The following NFIX variants were observed in gnomAD, a reference collection of about 807,000 sequenced individuals.
NFIX encodes nuclear factor 1 X-type.
NFIX carries 2 observed loss-of-function variants against 53.3 expected under a neutral mutation model. The observed-to-expected ratio is 0.04, with a 90% CI of 0.02 to 0.12. The LOEUF is 0.12. Among genes scored for constraint, NFIX ranks in the 10% least tolerant of loss-of-function variants. NFIX has a pLI of 1.00. For missense variants in NFIX, 310 were observed against 674.5 expected (o/e 0.46, Z 5.99); for synonymous variants, 244 against 289.0 (o/e 0.84, Z 1.58).
chr19:13,062,287 G>A (rs2145376328), intron 2 of NFIX, among the ~76,000 whole-genome samples: 1 of 152,312 alleles, frequency 6.6e-6, no homozygotes, highest in East Asian at 1.9e-4. Context: ...TAATTCACTG[G>A]ACATGAGTGT....
chr19:13,010,285 C>T (rs2145151789), intron 1 of NFIX, among the ~76,000 whole-genome samples: 1 of 152,328 alleles, frequency 6.6e-6, no homozygotes, highest in Non-Finnish European at 1.5e-5. Context: ...CACGTGGTTA[C>T]TCCCAAGGCG....
At chr19:13,034,676 AG>A (rs2014055641) in intron 2 of NFIX, among the ~76,000 whole-genome samples, 1 of 152,190 alleles carries the variant, frequency 6.6e-6, no homozygotes, top group African/African-American at 2.4e-5. Flanking sequence ...GATCGCTGGA[AG>A]TTTTACAATA....
At position 13,075,667 on chromosome 19, in the gene NFIX, T is replaced by A. The variant is rs764655778; in HGVS notation, c.951T>A (p.Asp317Glu). Reference protein sequence around the residue: ...SQSSGWPNDVDAGPASLKKSG... With the variant: ...SQSSGWPNDVEAGPASLKKSG... Reference sequence around the variant, plus strand: ...CCAGCGGGTGGCCCAACGATGTGGATGCAGGTATGGGTGCGGGGGATCCTG... The same window carrying A: ...CCAGCGGGTGGCCCAACGATGTGGAAGCAGGTATGGGTGCGGGGGATCCTG... The change falls in exon 6 of 11, where the codon GAT becomes GAA. Residue 317 changes from aspartate to glutamate, a missense_variant. Transcript: ENST00000592199. 5.6e-6 allele frequency: 9 copies of A among 1,613,416 alleles called. No individual in the cohort carries two copies. The highest frequency in any genetic ancestry group is 7.6e-6 in the Non-Finnish European group (9 of 1,179,716).
At chr19:13,032,705 T>G (rs917235249) in intron 2 of NFIX, among the ~76,000 whole-genome samples, 6 of 152,134 alleles carry the variant, frequency 3.9e-5, no homozygotes, top group Non-Finnish European at 5.9e-5. Context: ...GCAGAGGACC[T>G]GGGCCCACAG....
chr19:13,065,559 C>T (rs1474593041), intron 2 of NFIX, among the ~76,000 whole-genome samples: 1 of 152,148 alleles, frequency 6.6e-6, no homozygotes, highest in East Asian at 1.9e-4. Flanking sequence ...CTGGGGGTCT[C>T]ATTTATTAAC....
intron 1 of NFIX, among the ~76,000 whole-genome samples, chr19:13,003,814 T>G (rs2011861126): frequency 6.6e-6 from 1 of 152,026 alleles, no homozygotes; most frequent in Non-Finnish European, 1.5e-5. Context: ...AATTTTTAAA[T>G]TTTTTTGTAG....
At position 13,087,978 on chromosome 19, in the gene NFIX, G is replaced by A. The variant is rs2017889058; in HGVS notation, c.1255-11G>A. On this transcript the variant is annotated splice_polypyrimidine_tract_variant and intron_variant, in intron 8 of 10. Coordinates refer to ENST00000592199, the MANE Select transcript of NFIX (RefSeq NM_001365902.3). ...TGCCTTCATGCGTCACTCTATTTAT[G>A]TTGTTCGCAGCCCAACGGTAGCGGC... The A allele has an allele frequency of 6.5e-7, 1 of 1,535,882 alleles. No homozygotes were observed. The highest frequency in any genetic ancestry group is 1.2e-5 in the South Asian group (1 of 84,068).
chr19:13,091,077 C>T (rs1599882455), intron 10 of NFIX, among the ~76,000 whole-genome samples: 2 of 152,150 alleles, frequency 1.3e-5, no homozygotes, highest in East Asian at 3.9e-4. Flanking sequence ...GGCCAGTGCC[C>T]ACAGAGCCCA....
In NFIX at chr19:13,081,231, G is replaced by T. The variant is rs1266842998; in HGVS notation, c.1079-449G>T. On this transcript the variant is annotated intron_variant, in intron 7 of 10. Transcript: ENST00000592199. This position sits in a 1 kb window ranked among gnomAD's most constrained non-coding sequence, Gnocchi z 4.7. ...GAGGTGGGAGGATTGCATGAGCCCA[G>T]GAGGATTGCTTGCCGTGATCCGTGT... Among the ~76,000 whole-genome samples, 1 of 151,980 alleles carries T rather than the reference G, an allele frequency of 6.6e-6. No homozygotes were observed. The highest frequency in any genetic ancestry group is 1.5e-5 in the Non-Finnish European group (1 of 68,014).
chr19:13,022,183 G>A lies in NFIX; in HGVS notation c.28-2838G>A, dbSNP rs2145179915. ...CCGGGTCTGGCTGTTGTTTGTGGCT[G>A]CGTGTAGAGCTTGTCAGGCGGAGTG... On this transcript the variant is annotated intron_variant, in intron 1 of 10. Coordinates refer to ENST00000592199, the MANE Select transcript of NFIX (RefSeq NM_001365902.3). This position sits in a 1 kb window ranked among gnomAD's most constrained non-coding sequence, Gnocchi z 4.5. Among the ~76,000 whole-genome samples, 1 of 152,272 alleles carries A rather than the reference G, an allele frequency of 6.6e-6. No individual in the cohort carries two copies. Among genetic ancestry groups the A allele is most frequent in the Admixed American group, 6.5e-5 (1 of 15,298 alleles).
At position 13,070,171 on chromosome 19, in the gene NFIX, C is replaced by T. The variant is rs1009176819; in HGVS notation, c.560-2876C>T. On this transcript the variant is annotated intron_variant, in intron 2 of 10. Coordinates refer to ENST00000592199, the MANE Select transcript of NFIX (RefSeq NM_001365902.3). ...GCCCTTTCACCATGGACCTAGTGGC[C>T]TCTCTGGGCCCTGCAGCCACTGGCT... The T allele has an allele frequency of 5.9e-5, 9 of 152,412 alleles. 1 individual carries two copies. Among genetic ancestry groups the T allele is most frequent in the African/African-American group, 2.2e-4 (9 of 41,594 alleles). The allele number at this position is 152,412 out of a possible 1,614,324, so 9.4% of individuals were successfully genotyped here. A position where few individuals can be genotyped will look rare whatever the true frequency, so the allele number is the denominator to read the frequency against.
intron 2 of NFIX, among the ~76,000 whole-genome samples, chr19:13,042,465 A>C (rs117136541): frequency 0.029 from 4,086 of 141,802 alleles, 65 homozygotes; most frequent in Middle Eastern, 0.1. Context: ...AGCAATTCTC[A>C]TGCCTCAGCT....
In NFIX at chr19:12,998,324, C is replaced by G. The variant is rs62109892; in HGVS notation, c.27+2460C>G. 6.6e-6 allele frequency among the ~76,000 whole-genome samples: 1 copy of G among 152,170 alleles called. No individual in the cohort carries two copies. The highest frequency in any genetic ancestry group is 2.1e-4 in the South Asian group (1 of 4,826). On this transcript the variant is annotated intron_variant, in intron 1 of 10. Coordinates refer to ENST00000592199, the MANE Select transcript of NFIX (RefSeq NM_001365902.3). This position sits in a 1 kb window ranked among gnomAD's most constrained non-coding sequence, Gnocchi z 4.4. ...CTCTCTGGCCTGCCTCTCTCTCTTT[C>G]CCTCTCTCTCTCTCCCTTTTCTTTT...
chr19:13,009,309 G>A lies in NFIX; in HGVS notation c.27+13445G>A, dbSNP rs978334862. 2.6e-5 allele frequency among the ~76,000 whole-genome samples: 4 copies of A among 152,176 alleles called. No individual in the cohort carries two copies. Among genetic ancestry groups the A allele is most frequent in the East Asian group, 1.9e-4 (1 of 5,184 alleles). ...TCCAGAGCAATTATGCCTGGGCAGC[G>A]GGTGGGTGGGGGGAAGGCGGGCATA... On this transcript the variant is annotated intron_variant, in intron 1 of 10. Coordinates refer to ENST00000592199, the MANE Select transcript of NFIX (RefSeq NM_001365902.3). This position sits in a 1 kb window ranked among gnomAD's most constrained non-coding sequence, Gnocchi z 4.7.
chr19:13,058,144 T>C (rs927806918), intron 2 of NFIX, among the ~76,000 whole-genome samples: 1 of 152,036 alleles, frequency 6.6e-6, no homozygotes, highest in African/African-American at 2.4e-5. Flanking sequence ...CCTGCTTCTC[T>C]GGAGCCTTCA....
Position 13,022,474 on chromosome 19 carries a change from C to T in NFIX, c.28-2547C>T, listed in dbSNP as rs1178268945. ...GCACCAGATCCCTGCCCTGGAAGTACTGCTGGCATGGACACTTTCTGAGCT... is the reference window on the plus strand; with the variant it reads ...GCACCAGATCCCTGCCCTGGAAGTATTGCTGGCATGGACACTTTCTGAGCT... On this transcript the variant is annotated intron_variant, in intron 1 of 10. Transcript: ENST00000592199. The surrounding 1 kb of genome is among the most constrained non-coding windows in gnomAD (Gnocchi z 4.5). 6.6e-6 allele frequency among the ~76,000 whole-genome samples: 1 copy of T among 152,120 alleles called. No homozygotes were observed. The highest frequency in any genetic ancestry group is 6.5e-5 in the Admixed American group (1 of 15,280).
rs2012362960 is a variant in NFIX at position 13,011,796 on chromosome 19, A to C, written c.28-13225A>C. ...GCCCCTCGACAGGTGCCCGTCGCCC[A>C]CAGGCTCCTTTCATTGTAGCCTCCC... On this transcript the variant is annotated intron_variant, in intron 1 of 10. Coordinates refer to ENST00000592199, the MANE Select transcript of NFIX (RefSeq NM_001365902.3). This position sits in a 1 kb window ranked among gnomAD's most constrained non-coding sequence, Gnocchi z 6.5. Among the ~76,000 whole-genome samples the C allele has an allele frequency of 6.6e-6, 1 of 152,056 alleles. No homozygotes were observed. The highest frequency in any genetic ancestry group is 1.5e-5 in the Non-Finnish European group (1 of 68,004).
rs1409768544 is a variant in NFIX, at chr19:13,066,102, G to A, written c.560-6945G>A. ...GGGGCCTGAGGCTTTCAGATGAAGT[G>A]TGAGACTGCTCTGCTGGTCTCCTGG... On this transcript the variant is annotated intron_variant, in intron 2 of 10. Coordinates refer to ENST00000592199, the MANE Select transcript of NFIX (RefSeq NM_001365902.3). The surrounding 1 kb of genome is among the most constrained non-coding windows in gnomAD (Gnocchi z 4.2). Among the ~76,000 whole-genome samples, 1 of 152,162 alleles carries A rather than the reference G, an allele frequency of 6.6e-6. No individual in the cohort carries two copies. Among genetic ancestry groups the A allele is most frequent in the African/African-American group, 2.4e-5 (1 of 41,418 alleles).
rs1568288311 is a variant in NFIX, at chr19:13,045,251, G to T, written c.559+19699G>T. Among the ~76,000 whole-genome samples, 1 of 152,180 alleles carries T rather than the reference G, an allele frequency of 6.6e-6. No homozygotes were observed. The highest frequency in any genetic ancestry group is 2.4e-5 in the African/African-American group (1 of 41,426). On this transcript the variant is annotated intron_variant, in intron 2 of 10. Transcript: ENST00000592199. This position sits in a 1 kb window ranked among gnomAD's most constrained non-coding sequence, Gnocchi z 4.4. Reference sequence around the variant, plus strand: ...TTAGGTGGACAAACAGTGGTATCCTGGTCTGTGGCTAGCATGGGCCCCAGA... The same window carrying T: ...TTAGGTGGACAAACAGTGGTATCCTTGTCTGTGGCTAGCATGGGCCCCAGA...
Sources: allele counts gnomAD v4.1 joint callset (sites outside exome capture counted in the v4.1 genomes callset), GRCh38; gene constraint gnomAD v4.1.1; non-coding constraint Gnocchi (gnomAD v3.1); transcripts MANE v1.5; gene names NCBI Gene and HGNC (gene_info 2026-07-23, HGNC 2026-07-21).